AGBL1: variants seen among roughly 807,000 people sequenced by gnomAD.
AGBL1 encodes the protein AGBL carboxypeptidase 1, also known as cytosolic carboxypeptidase 4.
In AGBL1, 130 loss-of-function variants were observed where a neutral mutation model predicts 118.9. That is an observed-to-expected ratio of 1.09 (90% CI 0.95 to 1.26). The LOEUF (loss-of-function observed/expected upper bound fraction) is 1.26, where lower values mean the gene tolerates loss of function less well. Among genes scored for constraint, AGBL1 ranks in the 50% most tolerant of loss-of-function variants. The pLI, the probability that AGBL1 is intolerant of heterozygous loss-of-function variation, is 0.00. For missense variants in AGBL1, 1,584 were observed against 1,298.1 expected (o/e 1.22, Z -3.38); for synonymous variants, 555 against 478.9 (o/e 1.16, Z -2.08).
chr15:86,135,811 C>T (rs779317549), intron 1 of AGBL1, among the ~76,000 whole-genome samples: 3 of 152,120 alleles, frequency 2.0e-5, no homozygotes, highest in Admixed American at 1.3e-4. Flanking sequence ...TTTGGACTAG[C>T]GTCCAGATTG....
intron 21 of AGBL1, among the ~76,000 whole-genome samples, chr15:86,631,683 G>A (rs539965710): frequency 2.6e-5 from 4 of 152,282 alleles, no homozygotes; most frequent in Non-Finnish European, 2.9e-5. Flanking sequence ...GGGAGGTGTG[G>A]TTCATGGGAG....
intron 19 of AGBL1, 43 bp from the exon 20 acceptor site, chr15:86,545,959 G>A (rs2083574200): frequency 6.3e-7 from 1 of 1,597,824 alleles, no homozygotes; most frequent in Non-Finnish European, 8.6e-7. Context: ...AGAAACCAAT[G>A]ACCTGACCTG....
chr15:86,380,419 G>A (rs61678691), intron 17 of AGBL1, among the ~76,000 whole-genome samples: 23,823 of 150,886 alleles, frequency 0.16, 3,081 homozygotes, highest in African/African-American at 0.36. Context: ...TGAGTAGCTG[G>A]GATTACAGGC....
intron 1 of AGBL1, among the ~76,000 whole-genome samples, chr15:86,134,026 A>T (rs773204743): frequency 1.3e-5 from 2 of 152,176 alleles, no homozygotes; most frequent in African/African-American, 4.8e-5. Context: ...CTTCTTTCTT[A>T]TGAACTCATT....
At chr15:86,876,146 T>C (rs2079804310) in intron 22 of AGBL1, among the ~76,000 whole-genome samples, 2 of 152,128 alleles carry the variant, frequency 1.3e-5, no homozygotes, top group South Asian at 4.1e-4. Context: ...TTAAATTCAG[T>C]TTCTACATAG....
rs1454724279 is a variant in AGBL1 at position 86,264,797 on chromosome 15, C to T, written c.1626C>T (p.Pro542=). ...ATGTCTGGGGACACTGTCCCCCTCC[C>T]ACCACCCAGCCTATGTTGGAACGAA... ...FPDVWGHCPP[P]TTQPMLERKC... Residue 542 remains proline, a synonymous_variant, in exon 11 of 23, where the codon CCC becomes CCT. Transcript: ENST00000614907. 1.1e-5 allele frequency: 17 copies of T among 1,613,260 alleles called. No homozygotes were observed. The Admixed American group carries it at 2.5e-4, about 24-fold the overall frequency.
At chr15:86,557,114 C>T (rs1334908096) in intron 21 of AGBL1, among the ~76,000 whole-genome samples, 2 of 152,130 alleles carry the variant, frequency 1.3e-5, no homozygotes, top group African/African-American at 4.8e-5. Flanking sequence ...GGGATACAGT[C>T]TCTGTTGCTA....
intron 3 of AGBL1, 78 bp downstream of exon 3, chr15:86,143,923 T>C: frequency 6.6e-7 from 1 of 1,522,780 alleles, no homozygotes; most frequent in Non-Finnish European, 8.9e-7. Context: ...TTGGGAAGCT[T>C]TGGTGGAGTA....
At chr15:86,444,921 A>G (rs118052270) in intron 18 of AGBL1, among the ~76,000 whole-genome samples, 6,165 of 152,302 alleles carry the variant, frequency 0.04, 175 homozygotes, top group East Asian at 0.084. Flanking sequence ...TTTAACTCCA[A>G]AGACAATTTT....
At chr15:86,888,124 A>T (rs1460896881) in intron 22 of AGBL1, among the ~76,000 whole-genome samples, 1 of 152,064 alleles carries the variant, frequency 6.6e-6, no homozygotes, top group Non-Finnish European at 1.5e-5. Context: ...GCCCACAGAG[A>T]TCAAAAACTT....
chr15:86,133,910 T>C (rs1258863107), intron 1 of AGBL1, among the ~76,000 whole-genome samples: 1 of 152,210 alleles, frequency 6.6e-6, no homozygotes, highest in Non-Finnish European at 1.5e-5. Context: ...CCAGCTTCTG[T>C]AGTGATAGCA....
intron 17 of AGBL1, among the ~76,000 whole-genome samples, chr15:86,369,733 GTAATAT>G (rs1369245094): frequency 6.6e-6 from 1 of 152,040 alleles, no homozygotes; most frequent in African/African-American, 2.4e-5. Flanking sequence ...AGCTTGTGCA[GTAATAT>G]TAATATTAAA....
chr15:86,135,454 G>A (rs2076876774), intron 1 of AGBL1, among the ~76,000 whole-genome samples: 1 of 152,212 alleles, frequency 6.6e-6, no homozygotes, highest in South Asian at 2.1e-4. Context: ...GTATTTGCTT[G>A]CTCAGTTGCT....
intron 3 of AGBL1, among the ~76,000 whole-genome samples, chr15:86,153,116 A>T (rs2077137955): frequency 6.6e-6 from 1 of 152,224 alleles, no homozygotes; most frequent in East Asian, 1.9e-4. Context: ...CTCCTCAAGG[A>T]TCTAGAACTA....
intron 1 of AGBL1, among the ~76,000 whole-genome samples, chr15:86,132,220 C>T (rs944823656): frequency 3.3e-5 from 5 of 152,098 alleles, no homozygotes; most frequent in African/African-American, 7.2e-5. Context: ...TGAGAATGAG[C>T]TGGGTAGAGG....
intron 22 of AGBL1, among the ~76,000 whole-genome samples, chr15:86,730,739 T>C (rs1185344329): frequency 6.6e-6 from 1 of 152,212 alleles, no homozygotes; most frequent in Non-Finnish European, 1.5e-5. Flanking sequence ...ACTTTACAAG[T>C]GGTAAAGAGA....
At position 86,674,290 on chromosome 15, in the gene AGBL1, C is replaced by G. The variant is rs2085797822; in HGVS notation, c.3012C>G (p.Thr1004=). Residue 1004 remains threonine, a synonymous_variant, in exon 22 of 23, where the codon ACC becomes ACG. Coordinates refer to ENST00000614907, the MANE Select transcript of AGBL1 (RefSeq NM_001386094.1). ...ACTGGCAGGGTCTACAGTTTGGTAC[C>G]AGAGAACTGGAGGAGATGGGAGCCA... is the stretch of plus-strand genomic sequence containing the variant. The part of the protein sequence containing the change: ...QGPYQGLQFG[T]RELEEMGAMF... 1 of 1,611,108 alleles carries G rather than the reference C, an allele frequency of 6.2e-7. No homozygotes were observed. The highest frequency in any genetic ancestry group is 8.5e-7 in the Non-Finnish European group (1 of 1,178,530).
At chr15:86,542,381 T>C (rs1020946887) in intron 19 of AGBL1, among the ~76,000 whole-genome samples, 7 of 87,346 alleles carry the variant, frequency 8.0e-5, no homozygotes, top group Non-Finnish European at 1.1e-4. Flanking sequence ...TTTTTTTTTT[T>C]TTGAGACAGA....
chr15:86,435,905 A>C (rs1183301400), intron 18 of AGBL1, among the ~76,000 whole-genome samples: 3 of 152,180 alleles, frequency 2.0e-5, no homozygotes, highest in African/African-American at 7.2e-5. Flanking sequence ...TATATTACCA[A>C]TATATAGCAA....
Sources: gnomAD v4.1 joint callset for allele counts (sites outside exome capture counted in the v4.1 genomes callset) on GRCh38, gnomAD v4.1.1 for gene constraint, MANE v1.5 for transcripts, NCBI Gene and HGNC (gene_info 2026-07-23, HGNC 2026-07-21) for gene names.